The following RALYL variants were observed in gnomAD, a reference collection of about 807,000 sequenced individuals.
The protein encoded by RALYL is RALY RNA binding protein like.
RALYL carries 29 observed loss-of-function variants against 35.1 expected under a neutral mutation model. That is an observed-to-expected ratio of 0.83 (90% CI 0.61 to 1.13). RALYL has a LOEUF of 1.13. RALYL is among the 50% of genes most tolerant of loss of function. The probability of loss-of-function intolerance (pLI) is 0.00; values close to 1 mark genes in which losing one functional copy is unlikely to be tolerated. For missense variants in RALYL, 359 were observed against 360.4 expected (o/e 1.00, Z 0.03); for synonymous variants, 120 against 127.6 (o/e 0.94, Z 0.40).
At chr8:84,539,009 T>G (rs4740023) in intron 2 of RALYL, among the ~76,000 whole-genome samples, 54,580 of 152,112 alleles carry the variant, frequency 0.36, 9,965 homozygotes, top group South Asian at 0.51. Flanking sequence ...GAAGAAAATC[T>G]TTATAGGCTG....
chr8:84,812,058 G>T (rs1826024121), intron 4 of RALYL, among the ~76,000 whole-genome samples: 2 of 151,962 alleles, frequency 1.3e-5, no homozygotes, highest in Non-Finnish European at 2.9e-5. Flanking sequence ...GTGATTTTTG[G>T]GGGTGTTTAA....
intron 1 of RALYL, among the ~76,000 whole-genome samples, chr8:84,207,458 A>G (rs1003322416): frequency 2.6e-5 from 4 of 152,130 alleles, no homozygotes; most frequent in African/African-American, 9.7e-5. Context: ...GTGTGAAAGT[A>G]ACCAAGCACA....
At chr8:84,212,617 A>C (rs975686026) in intron 1 of RALYL, among the ~76,000 whole-genome samples, 1 of 152,170 alleles carries the variant, frequency 6.6e-6, no homozygotes, top group Non-Finnish European at 1.5e-5. Context: ...CTTGATAGGA[A>C]TATCTGGAGC....
chr8:84,569,896 T>C (rs1564162886), intron 2 of RALYL, among the ~76,000 whole-genome samples: 1 of 151,884 alleles, frequency 6.6e-6, no homozygotes, highest in African/African-American at 2.4e-5. Flanking sequence ...CAATCAGTTG[T>C]AGGTATGTGA....
intron 1 of RALYL, among the ~76,000 whole-genome samples, chr8:84,401,455 G>A (rs896727085): frequency 2.0e-5 from 3 of 151,510 alleles, no homozygotes; most frequent in Non-Finnish European, 4.4e-5. Flanking sequence ...GGCTTAACAC[G>A]GTGAAACCCC....
intron 4 of RALYL, among the ~76,000 whole-genome samples, chr8:84,835,678 C>T (rs1285694965): frequency 8.2e-5 from 10 of 121,596 alleles, no homozygotes; most frequent in African/African-American, 2.2e-4. Flanking sequence ...AGCAAAACTC[C>T]GTCTCAAAAA....
chr8:84,198,367 A>T (rs751168666), intron 1 of RALYL, among the ~76,000 whole-genome samples: 3 of 152,028 alleles, frequency 2.0e-5, no homozygotes, highest in Non-Finnish European at 2.9e-5. Flanking sequence ...TTTATTTATT[A>T]ATTTTTTATT....
chr8:84,589,859 C>T (rs1042375035), intron 2 of RALYL, among the ~76,000 whole-genome samples: 1 of 152,168 alleles, frequency 6.6e-6, no homozygotes, highest in African/African-American at 2.4e-5. Context: ...TATAATATTT[C>T]TATATCATGT....
intron 1 of RALYL, among the ~76,000 whole-genome samples, chr8:84,208,925 G>A (rs971177915): frequency 6.6e-6 from 1 of 151,912 alleles, no homozygotes; most frequent in Non-Finnish European, 1.5e-5. Flanking sequence ...TAAAATAGAT[G>A]AATAAGGAAG....
chr8:84,372,897 T>TTTGTTTTGGTTTG, intron 1 of RALYL, among the ~76,000 whole-genome samples: 1 of 137,024 alleles, frequency 7.3e-6, no homozygotes, highest in African/African-American at 2.8e-5. Context: ...TTTTTTTTTT[T>TTTGTTTTGGTTTG]TTTTTTTTTT....
At chr8:84,763,950 C>G (rs111353736) in intron 2 of RALYL, among the ~76,000 whole-genome samples, 64 of 152,234 alleles carry the variant, frequency 4.2e-4, no homozygotes, top group African/African-American at 1.5e-3. Flanking sequence ...GCCACTTATG[C>G]TTCAAGGCAA....
intron 1 of RALYL, among the ~76,000 whole-genome samples, chr8:84,524,533 C>T (rs1309891457): frequency 6.6e-6 from 1 of 152,020 alleles, no homozygotes; most frequent in Non-Finnish European, 1.5e-5. Context: ...GTCTTAGTGA[C>T]TCTATCATTT....
chr8:84,769,309 C>T (rs1191340372), intron 2 of RALYL, among the ~76,000 whole-genome samples: 2 of 152,178 alleles, frequency 1.3e-5, no homozygotes, highest in African/African-American at 4.8e-5. Flanking sequence ...GGTCTTTCCT[C>T]TACTCAGAAC....
At chr8:84,307,136 A>G (rs189230954) in intron 1 of RALYL, among the ~76,000 whole-genome samples, 10 of 152,248 alleles carry the variant, frequency 6.6e-5, no homozygotes, top group Admixed American at 2.6e-4. Flanking sequence ...GTACACAGGG[A>G]GGAATAGTGA....
At chr8:84,497,642 G>GTTTTTTTTT (rs71271999) in intron 1 of RALYL, among the ~76,000 whole-genome samples, 4 of 117,240 alleles carry the variant, frequency 3.4e-5, no homozygotes, top group South Asian at 2.8e-4. Context: ...TTTTGTTTTT[G>GTTTTTTTTT]TTTTTTTTTT....
At chr8:84,735,808 CCG>C (rs879420557) in intron 2 of RALYL, among the ~76,000 whole-genome samples, 5,041 of 106,676 alleles carry the variant, frequency 0.047, 142 homozygotes, top group African/African-American at 0.047. Context: ...ATCATCCAAA[CCG>C]CGAGAGAGAG....
chr8:84,729,543 C>T (rs1845703693), intron 2 of RALYL, among the ~76,000 whole-genome samples: 1 of 151,870 alleles, frequency 6.6e-6, no homozygotes, highest in Non-Finnish European at 1.5e-5. Context: ...CAGAGCAGAA[C>T]TGAAGGAAAT....
intron 1 of RALYL, among the ~76,000 whole-genome samples, chr8:84,280,212 A>C (rs1438304501): frequency 6.6e-6 from 1 of 152,210 alleles, no homozygotes; most frequent in Non-Finnish European, 1.5e-5. Flanking sequence ...ATACAGTGGT[A>C]TATTTCAATT....
At chr8:84,875,521 A>C in intron 7 of RALYL, among the ~76,000 whole-genome samples, 1 of 142,850 alleles carries the variant, frequency 7.0e-6, no homozygotes, top group East Asian at 2.2e-4. Flanking sequence ...TACAGTCATG[A>C]GACAGTTGCT....
Sources: gnomAD v4.1 joint callset for allele counts (sites outside exome capture counted in the v4.1 genomes callset) on GRCh38, gnomAD v4.1.1 for gene constraint, MANE v1.5 for transcripts, NCBI Gene and HGNC (gene_info 2026-07-23, HGNC 2026-07-21) for gene names.